The following LINGO2 variants were observed in gnomAD, a reference collection of about 807,000 sequenced individuals.
LINGO2 encodes the protein leucine rich repeat and Ig domain containing 2, also known as leucine-rich repeat and immunoglobulin-like domain-containing nogo receptor-interacting protein 2.
A neutral mutation model predicts 30.6 loss-of-function variants in LINGO2; 14 were observed. That is an observed-to-expected ratio of 0.46 (90% CI 0.30 to 0.72). LINGO2 has a LOEUF of 0.72. LINGO2 is among the 30% of genes least tolerant of loss of function. LINGO2 has a pLI of 0.07. For missense variants in LINGO2, 729 were observed against 751.7 expected (o/e 0.97, Z 0.35); for synonymous variants, 317 against 288.5 (o/e 1.10, Z -1.00).
chr9:28,674,850 G>C (rs1387111283), upstream of LINGO2, among the ~76,000 whole-genome samples: 8 of 152,060 alleles, frequency 5.3e-5, no homozygotes, highest in Admixed American at 5.2e-4. Context: ...CATCACTAAA[G>C]GATCATCCAA....
At chr9:28,215,430 T>G (rs999008547) in intron 4 of LINGO2, among the ~76,000 whole-genome samples, 3 of 151,908 alleles carry the variant, frequency 2.0e-5, no homozygotes, top group South Asian at 4.1e-4. Context: ...GTTGCGCATA[T>G]AGCAGTGATA....
the LINGO2 span, among the ~76,000 whole-genome samples, chr9:28,925,340 T>C: frequency 9.2e-5 from 14 of 152,252 alleles, no homozygotes; most frequent in African/African-American, 2.6e-4. Flanking sequence ...TGACTAACGA[T>C]AGGAGTTTTG....
At chr9:29,062,103 T>C in the LINGO2 span, among the ~76,000 whole-genome samples, 1 of 151,972 alleles carries the variant, frequency 6.6e-6, no homozygotes, top group South Asian at 2.1e-4. Flanking sequence ...GAGATGCAAA[T>C]CAAAACTACA....
chr9:28,341,047 A>G (rs980057093), intron 3 of LINGO2, among the ~76,000 whole-genome samples: 1 of 152,140 alleles, frequency 6.6e-6, no homozygotes, highest in Non-Finnish European at 1.5e-5. Flanking sequence ...TAAGGCAAGC[A>G]AGGACTAGTT....
chr9:28,524,710 G>A (rs1429652145), intron 1 of LINGO2, among the ~76,000 whole-genome samples: 5 of 152,158 alleles, frequency 3.3e-5, no homozygotes, highest in African/African-American at 4.8e-5. Context: ...CAGAGATCAC[G>A]CCATTGCACT....
intron 2 of LINGO2, among the ~76,000 whole-genome samples, chr9:28,423,260 T>C (rs945551436): frequency 6.6e-6 from 1 of 152,046 alleles, no homozygotes; most frequent in Non-Finnish European, 1.5e-5. Flanking sequence ...TACAGTTAAA[T>C]ATTAAGAGAA....
chr9:29,029,814 A>G, the LINGO2 span, among the ~76,000 whole-genome samples: 1 of 152,114 alleles, frequency 6.6e-6, no homozygotes, highest in African/African-American at 2.4e-5. Context: ...GTTATTCTCA[A>G]AGAATATGCC....
At chr9:29,072,094 A>G in the LINGO2 span, among the ~76,000 whole-genome samples, 4 of 152,104 alleles carry the variant, frequency 2.6e-5, no homozygotes, top group Non-Finnish European at 5.9e-5. Context: ...AAGTTGGGCA[A>G]ACTTGGTAAA....
At chr9:28,312,504 A>C (rs1036897784) in intron 3 of LINGO2, among the ~76,000 whole-genome samples, 2 of 152,164 alleles carry the variant, frequency 1.3e-5, no homozygotes, top group African/African-American at 2.4e-5. Flanking sequence ...ATAAAATTGC[A>C]AAGAAGCTAA....
the LINGO2 span, among the ~76,000 whole-genome samples, chr9:29,203,615 T>G: frequency 6.6e-6 from 1 of 152,220 alleles, no homozygotes; most frequent in African/African-American, 2.4e-5. Context: ...TATGTGACTT[T>G]GTTGAAGATG....
intron 4 of LINGO2, among the ~76,000 whole-genome samples, chr9:28,014,869 A>G (rs980791067): frequency 3.3e-5 from 5 of 152,196 alleles, no homozygotes; most frequent in Non-Finnish European, 7.4e-5. Context: ...AATATTTTTA[A>G]TAATTTAGAA....
exon 6 of LINGO2, chr9:27,948,905 A>T (rs1247874630): frequency 6.2e-7 from 1 of 1,613,950 alleles, no homozygotes; most frequent in Admixed American, 1.7e-5. Context: ...CTTCCACAAC[A>T]GCACCATTGT....
At chr9:28,188,500 G>A (rs35533797) in intron 4 of LINGO2, among the ~76,000 whole-genome samples, 41,548 of 151,740 alleles carry the variant, frequency 0.27, 5,771 homozygotes, top group South Asian at 0.35. Flanking sequence ...CGCCTGAGAT[G>A]ACTATCTTTC....
the LINGO2 span, among the ~76,000 whole-genome samples, chr9:28,683,187 C>A: frequency 6.6e-5 from 10 of 152,080 alleles, no homozygotes; most frequent in African/African-American, 2.4e-4. Flanking sequence ...TGTGCCCATA[C>A]CCTATTGTAT....
chr9:28,781,074 G>A, the LINGO2 span, among the ~76,000 whole-genome samples: 2 of 152,040 alleles, frequency 1.3e-5, no homozygotes, highest in Admixed American at 1.3e-4. Flanking sequence ...AATCTTAGAA[G>A]CCTTGTATTT....
intron 1 of LINGO2, among the ~76,000 whole-genome samples, chr9:28,632,047 G>C (rs1318953282): frequency 6.6e-6 from 1 of 152,172 alleles, no homozygotes; most frequent in African/African-American, 2.4e-5. Flanking sequence ...AGTGTTGCAG[G>C]AGGGAGTGCA....
the LINGO2 span, among the ~76,000 whole-genome samples, chr9:28,734,512 G>A: frequency 2.7e-3 from 417 of 152,232 alleles, 3 homozygotes; most frequent in Admixed American, 8.0e-3. Flanking sequence ...CTTTTTCAGA[G>A]GGGAGAAATG....
chr9:28,348,247 T>A (rs1819671946), intron 3 of LINGO2, among the ~76,000 whole-genome samples: 1 of 152,050 alleles, frequency 6.6e-6, no homozygotes, highest in African/African-American at 2.4e-5. Context: ...CGGGTTCATC[T>A]CACTAGGGAG....
chr9:28,905,310 C>G, the LINGO2 span, among the ~76,000 whole-genome samples: 1 of 142,522 alleles, frequency 7.0e-6, no homozygotes, highest in African/African-American at 2.6e-5. Flanking sequence ...TTACATTAAA[C>G]TAAAAAACTT....
Sources: allele counts gnomAD v4.1 joint callset (sites outside exome capture counted in the v4.1 genomes callset), GRCh38; gene constraint gnomAD v4.1.1; transcripts MANE v1.5; gene names NCBI Gene and HGNC (gene_info 2026-07-23, HGNC 2026-07-21).